Variants in PLXDC2 observed in about 807,000 individuals in gnomAD.
The protein encoded by PLXDC2 is plexin domain-containing protein 2.
In PLXDC2, 40 loss-of-function variants were observed where a neutral mutation model predicts 68.9. The ratio of observed to expected loss-of-function variants is 0.58; its 90% CI spans 0.45 to 0.76. PLXDC2 has a LOEUF of 0.76. Ranked by LOEUF, PLXDC2 falls within the 30% of genes least tolerant of loss-of-function variation. PLXDC2 has a pLI of 0.00. For missense variants in PLXDC2, 644 were observed against 661.9 expected, an observed-to-expected ratio of 0.97 and a Z score of 0.30; for synonymous variants, 243 against 234.2, an observed-to-expected ratio of 1.04 and a Z score of -0.34.
intron 4 of PLXDC2, among the ~76,000 whole-genome samples, chr10:20,128,472 A>G (rs757955779): frequency 1.6e-4 from 24 of 152,192 alleles, no homozygotes; most frequent in Non-Finnish European, 3.2e-4. Context: ...AGCTTGATTA[A>G]TATATCCATC....
chr10:20,012,315 TTTTTTTTTTTTTTTTTTTTGG>T (rs1240847170), intron 2 of PLXDC2, among the ~76,000 whole-genome samples: 1 of 19,100 alleles, frequency 5.2e-5, no homozygotes, highest in African/African-American at 1.4e-4. Flanking sequence ...TTTTTATTTT[TTTTTTTTTTTTTTTTTTTTGG>T]AGAAGGAGAC....
At chr10:20,165,026 T>C (rs1292054502) in intron 7 of PLXDC2, among the ~76,000 whole-genome samples, 1 of 152,142 alleles carries the variant, frequency 6.6e-6, no homozygotes, top group Non-Finnish European at 1.5e-5. Context: ...TCTTGCTGTG[T>C]TGCCCAGGCT....
At chr10:19,948,596 C>A (rs185664714) in intron 1 of PLXDC2, among the ~76,000 whole-genome samples, 11 of 151,932 alleles carry the variant, frequency 7.2e-5, no homozygotes, top group African/African-American at 2.7e-4. Context: ...AAATGTGTGA[C>A]TGTGTGGCGT....
At position 20,231,669 on chromosome 10, in the gene PLXDC2, AAATTT is replaced by A. The variant is rs756389775; in HGVS notation, c.1312+12571_1312+12575del. On this transcript the variant is annotated intron_variant, in intron 12 of 13. Transcript: ENST00000377252. ...AAGCTTTTTTTTTGAAAATTTTAATAAATTTAATATCTCTAAGAAGATGGATTTTT... is the reference window on the plus strand; with the variant it reads ...AAGCTTTTTTTTTGAAAATTTTAATAAATATCTCTAAGAAGATGGATTTTT... 9.2e-5 allele frequency among the ~76,000 whole-genome samples: 14 copies of A among 152,098 alleles called. No homozygotes were observed. The East Asian group carries it at 1.2e-3, about 13-fold the overall frequency.
chr10:20,010,334 T>C (rs1455032352), intron 2 of PLXDC2, among the ~76,000 whole-genome samples: 1 of 152,220 alleles, frequency 6.6e-6, no homozygotes, highest in Non-Finnish European at 1.5e-5. Flanking sequence ...TCATTTTCTT[T>C]TAGCATATTG....
At chr10:19,945,007 G>A (rs920885159) in intron 1 of PLXDC2, among the ~76,000 whole-genome samples, 3 of 152,096 alleles carry the variant, frequency 2.0e-5, no homozygotes, top group African/African-American at 4.8e-5. Context: ...ACTGCTTTCC[G>A]TTTGCCTTGT....
At chr10:20,104,305 G>A (rs1202801982) in intron 4 of PLXDC2, among the ~76,000 whole-genome samples, 1 of 152,100 alleles carries the variant, frequency 6.6e-6, no homozygotes, top group East Asian at 1.9e-4. Flanking sequence ...TATGGTTTTT[G>A]TTGTCAAATG....
At chr10:20,238,663 A>AAATATATATATATGTG (rs1564363433) in intron 12 of PLXDC2, among the ~76,000 whole-genome samples, 3 of 109,378 alleles carry the variant, frequency 2.7e-5, no homozygotes, top group Non-Finnish European at 5.6e-5. Flanking sequence ...CTCAAAAAAA[A>AAATATATATATATGTG]TATATATATA....
At chr10:20,105,669 C>T (rs541795122) in intron 4 of PLXDC2, among the ~76,000 whole-genome samples, 1 of 152,284 alleles carries the variant, frequency 6.6e-6, no homozygotes, top group South Asian at 2.1e-4. Context: ...CCTCACCTTT[C>T]TCTCTGCAGC....
chr10:19,990,216 C>T (rs1269153852), intron 1 of PLXDC2, among the ~76,000 whole-genome samples: 1 of 152,056 alleles, frequency 6.6e-6, no homozygotes, highest in African/African-American at 2.4e-5. Context: ...TGTCTTAGTA[C>T]TTTGTCCTGA....
chr10:19,910,168 T>TTATATATATATATATATATA (rs3043811), intron 1 of PLXDC2, among the ~76,000 whole-genome samples: 3 of 145,210 alleles, frequency 2.1e-5, no homozygotes, highest in African/African-American at 7.6e-5. Context: ...TTGTACACTT[T>TTATATATATATATATATATA]TATATATATA....
intron 1 of PLXDC2, among the ~76,000 whole-genome samples, chr10:19,904,677 C>T (rs933643003): frequency 3.3e-5 from 5 of 152,098 alleles, no homozygotes; most frequent in South Asian, 2.1e-4. Context: ...TTGGTATGTT[C>T]CTGTGGTAGT....
rs547607565 is a variant in PLXDC2, at chr10:20,189,504, TAC to T, written c.1061+12099_1061+12100del. On this transcript the variant is annotated intron_variant, in intron 9 of 13. Coordinates refer to ENST00000377252, the MANE Select transcript of PLXDC2 (RefSeq NM_032812.9). ...ATATATATATATATATATATATATATACACATACACACACATATATATACACA... is the reference window on the plus strand; with the variant it reads ...ATATATATATATATATATATATATATACATACACACACATATATATACACA... Among the ~76,000 whole-genome samples the T allele has an allele frequency of 1.0e-3, 127 of 121,512 alleles. 1 individual carries two copies. The highest frequency in any genetic ancestry group is 3.4e-3 in the African/African-American group (112 of 33,026). The allele number at this position is 121,512 out of a possible 152,430, so 79.7% of individuals were successfully genotyped here. A position where few individuals can be genotyped will look rare whatever the true frequency, so the allele number is the denominator to read the frequency against.
intron 1 of PLXDC2, among the ~76,000 whole-genome samples, chr10:19,926,167 C>T (rs1833534783): frequency 6.6e-6 from 1 of 152,170 alleles, no homozygotes; most frequent in South Asian, 2.1e-4. Context: ...GCAGAATTGC[C>T]AGTTACTCAC....
At chr10:19,981,502 T>C (rs186212103) in intron 1 of PLXDC2, among the ~76,000 whole-genome samples, 107 of 152,324 alleles carry the variant, frequency 7.0e-4, no homozygotes, top group African/African-American at 2.4e-3. Flanking sequence ...ATTTATTCTA[T>C]ACCTGATGCA....
At chr10:20,175,334 A>C (rs1363400249) in intron 7 of PLXDC2, among the ~76,000 whole-genome samples, 2 of 152,216 alleles carry the variant, frequency 1.3e-5, no homozygotes, top group Non-Finnish European at 2.9e-5. Context: ...GAGGCAACAC[A>C]GATTCCTCAC....
At chr10:19,962,989 C>CA (rs56922353) in intron 1 of PLXDC2, among the ~76,000 whole-genome samples, 11,441 of 88,022 alleles carry the variant, frequency 0.13, 676 homozygotes, top group East Asian at 0.16. Context: ...GACTACGTCT[C>CA]AAAAAAAAAA....
intron 1 of PLXDC2, among the ~76,000 whole-genome samples, chr10:19,829,798 T>C (rs574246559): frequency 6.6e-6 from 1 of 152,324 alleles, no homozygotes; most frequent in African/African-American, 2.4e-5. Flanking sequence ...CAAAGTAAGA[T>C]AATTTGTCAT....
intron 9 of PLXDC2, among the ~76,000 whole-genome samples, chr10:20,200,472 G>A (rs899934056): frequency 2.2e-4 from 34 of 152,048 alleles, no homozygotes; most frequent in African/African-American, 6.7e-4. Context: ...GCATAAAACC[G>A]TGTAATGGGG....
Sources: allele counts gnomAD v4.1 joint callset (sites outside exome capture counted in the v4.1 genomes callset), GRCh38; gene constraint gnomAD v4.1.1; transcripts MANE v1.5; gene names NCBI Gene and HGNC (gene_info 2026-07-23, HGNC 2026-07-21).